Variants in DNAH6 observed in about 807,000 individuals in gnomAD.
DNAH6 encodes the protein axonemal beta dynein heavy chain 6.
A neutral mutation model predicts 491.4 loss-of-function variants in DNAH6; 340 were observed. That is an observed-to-expected ratio of 0.69 (90% CI 0.63 to 0.76). The LOEUF is 0.76. Ranked by LOEUF, DNAH6 falls within the 30% of genes least tolerant of loss-of-function variation. The probability of loss-of-function intolerance (pLI) is 0.00; values close to 1 mark genes in which losing one functional copy is unlikely to be tolerated. For missense variants in DNAH6, 4,443 were observed against 4,972.2 expected, an observed-to-expected ratio of 0.89 and a Z score of 3.20; for synonymous variants, 1,603 against 1,686.1, an observed-to-expected ratio of 0.95 and a Z score of 1.21.
In DNAH6 at chr2:84,677,156, T is replaced by C; in HGVS notation, c.6744+20T>C. 6.4e-7 allele frequency: 1 copy of C among 1,551,526 alleles called. No individual in the cohort carries two copies. The highest frequency in any genetic ancestry group is 8.7e-7 in the Non-Finnish European group (1 of 1,146,848). Reference sequence around the variant, plus strand: ...TTTCAGGTGAGTGTCGATTTTAACTTAGGCAACAGGAGGAAAAGAAAGCAT... The same window carrying C: ...TTTCAGGTGAGTGTCGATTTTAACTCAGGCAACAGGAGGAAAAGAAAGCAT... On this transcript the variant is annotated intron_variant, in intron 41 of 76. Coordinates refer to ENST00000389394, the MANE Select transcript of DNAH6 (RefSeq NM_001370.2).
Position 84,625,031 on chromosome 2 carries a change from G to A in DNAH6, c.4483G>A (p.Val1495Ile). The change falls in exon 29 of 77, where the codon GTC (valine) becomes ATC (isoleucine). Residue 1495 changes from valine to isoleucine, a missense_variant. Physicochemically the swap from Val to Ile is conservative, Grantham distance 29. Transcript: ENST00000389394. ...LAKALAIQCV[V>I]FNCSDGLDYK... Reference sequence around the variant, plus strand: ...AAAAGCTCTTGCCATCCAGTGTGTGGTCTTTAACTGTTCAGATGGTTTGGA... The same window carrying A: ...AAAAGCTCTTGCCATCCAGTGTGTGATCTTTAACTGTTCAGATGGTTTGGA... The A allele has an allele frequency of 6.5e-7, 1 of 1,550,190 alleles. No individual in the cohort carries two copies. The highest frequency in any genetic ancestry group is 8.7e-7 in the Non-Finnish European group (1 of 1,146,450).
At chr2:84,715,709 A>G (rs1697462510) in intron 58 of DNAH6, 82 bp downstream of exon 58, 2 of 1,354,842 alleles carry the variant, frequency 1.5e-6, no homozygotes, top group African/African-American at 1.5e-5. Context: ...TGACAAAGAC[A>G]ATGTTCTGCT....
At chr2:84,579,947 T>A (rs1485974777) in intron 14 of DNAH6, among the ~76,000 whole-genome samples, 1 of 152,224 alleles carries the variant, frequency 6.6e-6, no homozygotes, top group African/African-American at 2.4e-5. Context: ...ATATTTATCC[T>A]CATTCTGCAG....
chr2:84,483,274 A>G, the DNAH6 span, among the ~76,000 whole-genome samples: 4 of 151,948 alleles, frequency 2.6e-5, no homozygotes, highest in African/African-American at 9.7e-5. Flanking sequence ...AATAATTTGT[A>G]TTTTTAAAAA....
intron 42 of DNAH6, among the ~76,000 whole-genome samples, chr2:84,683,746 A>T (rs1350327696): frequency 6.6e-6 from 1 of 152,006 alleles, no homozygotes; most frequent in African/African-American, 2.4e-5. Flanking sequence ...CTCTAAAAAG[A>T]TTCTAACTAA....
chr2:84,548,218 T>C (rs1678976762), intron 7 of DNAH6, 70 bp from the exon 8 acceptor site: 1 of 1,447,160 alleles, frequency 6.9e-7, no homozygotes, highest in East Asian at 2.4e-5. Context: ...TATCTTTTCT[T>C]TGAATCATAT....
the DNAH6 span, among the ~76,000 whole-genome samples, chr2:84,501,935 G>C: frequency 5.3e-5 from 8 of 151,338 alleles, no homozygotes; most frequent in Non-Finnish European, 1.0e-4. Flanking sequence ...TCATTACTCT[G>C]GCTAAAATTT....
chr2:84,573,216 G>T (rs917435941), intron 11 of DNAH6, among the ~76,000 whole-genome samples: 1 of 152,196 alleles, frequency 6.6e-6, no homozygotes, highest in Admixed American at 6.5e-5. Context: ...TTTCCTTTCA[G>T]TCACAGGAAT....
chr2:84,742,222 AG>A lies in DNAH6; in HGVS notation c.10343-2857del, dbSNP rs542350965. 1.5e-3 allele frequency among the ~76,000 whole-genome samples: 235 copies of A among 152,298 alleles called. 2 individuals carry two copies. Among genetic ancestry groups the A allele is most frequent in the African/African-American group, 5.3e-3 (220 of 41,554 alleles). On this transcript the variant is annotated intron_variant, in intron 62 of 76. Transcript: ENST00000389394. Reference sequence around the variant, plus strand: ...AATATTATTACAGCAAGCCTCTCTTAGTACTCCCACTCTATATATTTCTGCA... The same window carrying A: ...AATATTATTACAGCAAGCCTCTCTTATACTCCCACTCTATATATTTCTGCA...
rs375842185 is a variant in DNAH6, at chr2:84,565,823, T to C, written c.1804-7644T>C. Among the ~76,000 whole-genome samples, 101 of 152,214 alleles carry C rather than the reference T, an allele frequency of 6.6e-4. 1 individual carries two copies. The highest frequency in any genetic ancestry group is 2.3e-3 in the African/African-American group (95 of 41,584). On this transcript the variant is annotated intron_variant, in intron 11 of 76. Coordinates refer to ENST00000389394, the MANE Select transcript of DNAH6 (RefSeq NM_001370.2). ...TTTAGAATAGCCAAGTCTTGTTGAATTGTACCCTTTATCATTATGTAATGT... is the reference window on the plus strand; with the variant it reads ...TTTAGAATAGCCAAGTCTTGTTGAACTGTACCCTTTATCATTATGTAATGT...
intron 68 of DNAH6, among the ~76,000 whole-genome samples, chr2:84,788,194 T>C (rs1677394823): frequency 6.6e-6 from 1 of 152,160 alleles, no homozygotes; most frequent in Non-Finnish European, 1.5e-5. Context: ...GCCATCCCAA[T>C]GGGGCCGAAA....
Position 84,607,063 on chromosome 2 carries a change from C to G in DNAH6, c.3262C>G (p.Gln1088Glu), listed in dbSNP as rs1247506080. The part of the protein sequence containing the change: ...GPLKTRVDEW[Q>E]KQLALFNQTL... ...ACTGAAAACTCGAGTGGATGAATGG[C>G]AAAAACAACTTGCTTTATTTAATCA... Residue 1088 changes from glutamine to glutamate, a missense_variant, in exon 21 of 77, where the codon CAA becomes GAA. Physicochemically the swap from Gln to Glu is conservative, Grantham distance 29. This residue lies in a region of DNAH6 where 2,977 missense variants were observed against 3,296.6 expected (regional missense o/e 0.90). Coordinates refer to ENST00000389394, the MANE Select transcript of DNAH6 (RefSeq NM_001370.2). 1.3e-6 allele frequency: 2 copies of G among 1,551,300 alleles called. No homozygotes were observed. The highest frequency in any genetic ancestry group is 2.4e-5 in the South Asian group (2 of 84,022).
intron 68 of DNAH6, among the ~76,000 whole-genome samples, chr2:84,792,230 A>G (rs1436965145): frequency 6.6e-6 from 1 of 152,196 alleles, no homozygotes; most frequent in Admixed American, 6.5e-5. Flanking sequence ...TAGAAGGAGG[A>G]GGAAAATGGG....
At chr2:84,776,742 G>A (rs545673993) in intron 64 of DNAH6, among the ~76,000 whole-genome samples, 2 of 152,118 alleles carry the variant, frequency 1.3e-5, no homozygotes, top group East Asian at 3.9e-4. Flanking sequence ...TCCCATTACT[G>A]GGTATATACC....
intron 40 of DNAH6, among the ~76,000 whole-genome samples, chr2:84,673,585 C>T (rs1692948236): frequency 6.6e-6 from 1 of 152,148 alleles, no homozygotes; most frequent in Admixed American, 6.5e-5. Flanking sequence ...CTCACATGAT[C>T]CCGACGTCCC....
At chr2:84,584,400 A>G (rs1683335462) in intron 15 of DNAH6, 150 bp downstream of exon 15, 1 of 814,604 alleles carries the variant, frequency 1.2e-6, no homozygotes, top group Admixed American at 2.9e-5. Flanking sequence ...GAAATTGTTA[A>G]TCAAGCTAAT....
intron 60 of DNAH6, 25 bp downstream of exon 60, chr2:84,722,829 A>G: frequency 7.3e-7 from 1 of 1,365,216 alleles, no homozygotes; most frequent in East Asian, 2.7e-5. Flanking sequence ...GTTGTTAATG[A>G]CAGTCATCTC....
At position 84,517,927 on chromosome 2, in the gene DNAH6, A is replaced by G. The variant is rs1171276669; in HGVS notation, c.101A>G (p.Gln34Arg). 1.1e-5 allele frequency: 17 copies of G among 1,551,874 alleles called. No homozygotes were observed. The highest frequency in any genetic ancestry group is 1.5e-5 in the Non-Finnish European group (17 of 1,147,010). The stretch of plus-strand genomic sequence containing the variant: ...AGACTGAATAATATAAAAGCCAAAC[A>G]AAGAGTGAGTTATGTGACATCCACA... ...LSRLNNIKAK[Q>R]RVSYVTSTEN... is the part of the protein sequence containing the mutation. Residue 34 changes from glutamine to arginine, a missense_variant, in exon 2 of 77, where the codon CAA (glutamine) becomes CGA (arginine). By Grantham distance (43) the Gln-to-Arg change is conservative. Around this residue, in one of 3 missense-constraint regions of DNAH6, gnomAD observed 2,977 missense variants for 3,296.6 expected, o/e 0.90. Coordinates refer to ENST00000389394, the MANE Select transcript of DNAH6 (RefSeq NM_001370.2).
At chr2:84,589,385 C>A (rs913044461) in intron 16 of DNAH6, among the ~76,000 whole-genome samples, 8 of 152,072 alleles carry the variant, frequency 5.3e-5, no homozygotes, top group Admixed American at 2.6e-4. Flanking sequence ...AAATGACATC[C>A]CCAGCTAAGC....
Sources: gnomAD v4.1 joint callset for allele counts (sites outside exome capture counted in the v4.1 genomes callset) on GRCh38, gnomAD v4.1.1 for gene constraint, gnomAD v4.1.1 regional missense constraint, MANE v1.5 for transcripts, NCBI Gene and HGNC (gene_info 2026-07-23, HGNC 2026-07-21) for gene names.